F11: variants seen among roughly 807,000 people sequenced by gnomAD.
The protein encoded by F11 is coagualtion factor XI.
In F11, 78 loss-of-function variants were observed where a neutral mutation model predicts 76.5. The ratio of observed to expected loss-of-function variants is 1.02; its 90% CI spans 0.85 to 1.23. F11 has a LOEUF of 1.23. Among genes scored for constraint, F11 ranks in the 50% most tolerant of loss-of-function variants. The probability of loss-of-function intolerance (pLI) is 0.00; values close to 1 mark genes in which losing one functional copy is unlikely to be tolerated. For synonymous variants in F11, 278 were observed against 276.3 expected, an observed-to-expected ratio of 1.01 and a Z score of -0.06; for missense variants, 742 against 771.4, an observed-to-expected ratio of 0.96 and a Z score of 0.45.
At chr4:186,280,907 G>A (rs181025959) in intron 10 of F11, among the ~76,000 whole-genome samples, 207 of 142,368 alleles carry the variant, frequency 1.5e-3, no homozygotes, top group Admixed American at 3.1e-3. Flanking sequence ...TGCCCAGGCT[G>A]GAGTGCAGTG....
At chr4:186,284,642 C>G in intron 11 of F11, among the ~76,000 whole-genome samples, 1 of 141,008 alleles carries the variant, frequency 7.1e-6, no homozygotes, top group South Asian at 2.2e-4. Context: ...TGTGTGTGTG[C>G]GTGTGTGTTT....
Position 186,278,221 on chromosome 4 carries a change from C to T in F11, c.756-1791C>T, listed in dbSNP as rs374830780. Reference sequence around the variant, plus strand: ...GAACTCTCAGAGCCCTCAGCACTTGCCTGATTGGCCTCCTGTTGATGAAAA... The same window carrying T: ...GAACTCTCAGAGCCCTCAGCACTTGTCTGATTGGCCTCCTGTTGATGAAAA... On this transcript the variant is annotated intron_variant, in intron 7 of 14. Coordinates refer to ENST00000403665, the MANE Select transcript of F11 (RefSeq NM_000128.4). Among the ~76,000 whole-genome samples the T allele has an allele frequency of 4.7e-4, 71 of 152,316 alleles. 1 individual carries two copies. In the South Asian group the frequency reaches 0.012, roughly 25 times the overall value.
intron 11 of F11, 32 bp downstream of exon 11, chr4:186,284,292 C>T (rs1236298417): frequency 1.3e-6 from 2 of 1,516,396 alleles, no homozygotes; most frequent in Non-Finnish European, 1.8e-6. Context: ...ATTAGTTCAT[C>T]TTCTTCACAC....
Position 186,288,685 on chromosome 4 carries a change from G to A in F11, c.*71G>A, listed in dbSNP as rs1220556407. 4 of 1,510,116 alleles carry A rather than the reference G, an allele frequency of 2.6e-6. No homozygotes were observed. The highest frequency in any genetic ancestry group is 3.6e-4 in the Middle Eastern group (2 of 5,498). The allele number at this position is 1,510,116 out of a possible 1,614,324, so 93.5% of individuals were successfully genotyped here. A position where few individuals can be genotyped will look rare whatever the true frequency, so the allele number is the denominator to read the frequency against. The stretch of plus-strand genomic sequence containing the variant: ...GCTGGGAGAGGGTGTTGAGTTCACT[G>A]TGCCAGCATGCTTCCTCCACAGTAA... On this transcript the variant is annotated 3_prime_UTR_variant, in exon 15 of 15. Coordinates refer to ENST00000403665, the MANE Select transcript of F11 (RefSeq NM_000128.4).
chr4:186,271,374 C>A (rs555922916), intron 2 of F11, among the ~76,000 whole-genome samples: 1 of 152,352 alleles, frequency 6.6e-6, no homozygotes, highest in South Asian at 2.1e-4. Flanking sequence ...GTCTCCAAGA[C>A]AATCACTCAT....
intron 7 of F11, among the ~76,000 whole-genome samples, chr4:186,279,218 C>A (rs1740599817): frequency 6.6e-6 from 1 of 152,106 alleles, no homozygotes; most frequent in Non-Finnish European, 1.5e-5. Context: ...CCCGTCTCTA[C>A]TAAAAATACA....
rs768796549 is a variant in F11, at chr4:186,285,643, A to G, written c.1310A>G (p.Glu437Gly). The change falls in exon 12 of 15, where the codon GAG becomes GGG. Residue 437 changes from glutamate to glycine, a missense_variant. By Grantham distance (98) the Glu-to-Gly change is moderately conservative (BLOSUM62 -2). Coordinates refer to ENST00000403665, the MANE Select transcript of F11 (RefSeq NM_000128.4). ...LTAAHCFYGV[E>G]SPKILRVYSG... ...CTCTGTTGTTTGCTCCTTAGGGTAG[A>G]GTCACCTAAGATTTTGCGTGTCTAC... 3.1e-6 allele frequency: 5 copies of G among 1,613,754 alleles called. No individual in the cohort carries two copies. The African/African-American group carries it at 6.7e-5, about 22-fold the overall frequency.
chr4:186,286,198 A>G, intron 12 of F11: 2 of 550,772 alleles, frequency 3.6e-6, no homozygotes, highest in Non-Finnish European at 6.5e-6. Context: ...ATGAGGAGTT[A>G]GCGGTGAGGG....
At chr4:186,288,122 C>T (rs1330683406) in intron 14 of F11, among the ~76,000 whole-genome samples, 2 of 151,690 alleles carry the variant, frequency 1.3e-5, no homozygotes. Context: ...CCATGTTGGC[C>T]AGGATGGTCT....
Position 186,276,280 on chromosome 4 carries a change from C to G in F11, c.645C>G (p.Ile215Met), listed in dbSNP as rs1740373550. Residue 215 changes from isoleucine (I) to methionine (M), a missense_variant, in exon 7 of 15, where the codon ATC becomes ATG. Transcript: ENST00000403665. ...ATACGGTGTTTGCAGACAGCAACATCGACAGTGTCATGGCTCCCGATGCTT... is the reference window on the plus strand; with the variant it reads ...ATACGGTGTTTGCAGACAGCAACATGGACAGTGTCATGGCTCCCGATGCTT... Reference protein sequence around the residue: ...FPNTVFADSNIDSVMAPDAFV... With the variant: ...FPNTVFADSNMDSVMAPDAFV... The G allele has an allele frequency of 1.2e-6, 2 of 1,613,934 alleles. No individual in the cohort carries two copies. Among genetic ancestry groups the G allele is most frequent in the Non-Finnish European group, 1.7e-6 (2 of 1,180,014 alleles).
chr4:186,280,078 T>C lies in F11; in HGVS notation c.822T>C (p.Ala274=), dbSNP rs755778493. The change falls in exon 8 of 15, where the codon GCT becomes GCC. Residue 274 remains alanine, a synonymous_variant. Transcript: ENST00000403665. The part of the protein sequence containing the change: ...LPSTRIKKSK[A]LSGFSLQSCR... ...GTACACGCATTAAAAAGAGCAAAGC[T>C]CTTTCTGGTTTCAGTCTACAAAGCT... is the stretch of plus-strand genomic sequence containing the variant. 3 of 1,614,180 alleles carry C rather than the reference T, an allele frequency of 1.9e-6. No homozygotes were observed. The highest frequency in any genetic ancestry group is 1.1e-5 in the South Asian group (1 of 91,084).
chr4:186,271,528 C>G, intron 2 of F11, 81 bp from the exon 3 acceptor site: 1 of 1,504,758 alleles, frequency 6.6e-7, no homozygotes, highest in Non-Finnish European at 9.3e-7. Flanking sequence ...AGCTACTTGC[C>G]TTGCCTTTAT....
rs1416410705 is a variant in F11, at chr4:186,276,408, A to G, written c.755+18A>G. On this transcript the variant is annotated intron_variant, in intron 7 of 14. Coordinates refer to ENST00000403665, the MANE Select transcript of F11 (RefSeq NM_000128.4). ...TCTCAAAGGTAAGGAGTTAACAAGT[A>G]AGGATAATTTGTTATCTTCTAAAAA... 1.2e-6 allele frequency: 2 copies of G among 1,612,984 alleles called. No individual in the cohort carries two copies. Among genetic ancestry groups the G allele is most frequent in the East Asian group, 2.2e-5 (1 of 44,864 alleles).
intron 2 of F11, 51 bp from the exon 3 acceptor site, chr4:186,271,558 A>G: frequency 1.9e-6 from 3 of 1,602,476 alleles, no homozygotes; most frequent in Non-Finnish European, 2.6e-6. Flanking sequence ...ACCTAACTAG[A>G]TGTATGCCCA....
At position 186,288,910 on chromosome 4, in the gene F11, G is replaced by T. The variant is rs4253430; in HGVS notation, c.*296G>T. ...GAAGATTACTATATAGGCAGATATA[G>T]CAGAAAATAACCAAGTAGTGGCAGT... On this transcript the variant is annotated 3_prime_UTR_variant, in exon 15 of 15. Coordinates refer to ENST00000403665, the MANE Select transcript of F11 (RefSeq NM_000128.4). The T allele has an allele frequency of 2.7e-6, 1 of 370,456 alleles. No homozygotes were observed. The highest frequency in any genetic ancestry group is 5.2e-6 in the Non-Finnish European group (1 of 193,380). 22.9% of individuals were successfully genotyped at this position (370,456 alleles called of 1,614,324 possible). A position where few individuals can be genotyped will look rare whatever the true frequency, so the allele number is the denominator to read the frequency against.
chr4:186,284,305 T>G (rs751256346), intron 11 of F11, 45 bp downstream of exon 11: 2 of 1,472,270 alleles, frequency 1.4e-6, no homozygotes, highest in East Asian at 4.7e-5. Context: ...CTTCACACAT[T>G]TATAAAAAAT....
chr4:186,278,778 A>C (rs138807952), intron 7 of F11, among the ~76,000 whole-genome samples: 3 of 152,348 alleles, frequency 2.0e-5, no homozygotes, highest in East Asian at 1.9e-4. Context: ...TTATGTGGAC[A>C]TCTGTGTTTA....
intron 2 of F11, among the ~76,000 whole-genome samples, chr4:186,269,816 CT>C (rs2126711748): frequency 6.6e-6 from 1 of 152,260 alleles, no homozygotes; most frequent in Admixed American, 6.5e-5. Context: ...CCGAAAAATG[CT>C]TGCTAAAATT....
In F11 at chr4:186,273,133, C is replaced by T. The variant is rs367856671; in HGVS notation, c.281C>T (p.Ala94Val). 1.5e-5 allele frequency: 25 copies of T among 1,613,832 alleles called. No homozygotes were observed. The highest frequency in any genetic ancestry group is 1.1e-4 in the East Asian group (5 of 44,866). The change falls in exon 4 of 15, where the codon GCG becomes GTG. Residue 94 changes from alanine (A) to valine (V), a missense_variant. Transcript: ENST00000403665. ...CTGCCAAGAGTGAATAGGACAGCAGCGATTTCTGGGTATTCTTTCAAGCAA... is the reference window on the plus strand; with the variant it reads ...CTGCCAAGAGTGAATAGGACAGCAGTGATTTCTGGGTATTCTTTCAAGCAA... ...ETLPRVNRTA[A>V]ISGYSFKQCS...
Sources: allele counts gnomAD v4.1 joint callset (sites outside exome capture counted in the v4.1 genomes callset), GRCh38; gene constraint gnomAD v4.1.1; transcripts MANE v1.5; gene names NCBI Gene and HGNC (gene_info 2026-07-23, HGNC 2026-07-21).